SNX29: variants seen among roughly 807,000 people sequenced by gnomAD.
SNX29 encodes the protein sorting nexin 29, also known as sorting nexin-29.
Under a neutral mutation model 102.1 loss-of-function variants are expected in SNX29, and 78 were observed. The ratio of observed to expected loss-of-function variants is 0.76; its 90% CI spans 0.64 to 0.92. The LOEUF (loss-of-function observed/expected upper bound fraction) is 0.92, where lower values mean the gene tolerates loss of function less well. SNX29 is among the 40% of genes least tolerant of loss of function. The pLI is 0.00. For synonymous variants in SNX29, 580 were observed against 414.5 expected, an observed-to-expected ratio of 1.40 and a Z score of -4.85; for missense variants, 1,280 against 1,061.7, an observed-to-expected ratio of 1.21 and a Z score of -2.86.
chr16:12,562,710 C>T (rs917678906), intron 20 of SNX29, among the ~76,000 whole-genome samples: 2 of 152,208 alleles, frequency 1.3e-5, no homozygotes, highest in Non-Finnish European at 2.9e-5. Flanking sequence ...AGATTGAAGC[C>T]TACCGTGGTA....
At chr16:12,307,650 A>G (rs2080381788) in intron 15 of SNX29, among the ~76,000 whole-genome samples, 1 of 152,254 alleles carries the variant, frequency 6.6e-6, no homozygotes, top group East Asian at 1.9e-4. Context: ...ACACAGGGTC[A>G]TGAATGGTCT....
chr16:12,561,621 C>T (rs1050268861), intron 20 of SNX29, among the ~76,000 whole-genome samples: 13 of 152,176 alleles, frequency 8.5e-5, no homozygotes, highest in South Asian at 4.1e-4. Context: ...CAGTGTACCC[C>T]AAGAGGCTTA....
intron 15 of SNX29, among the ~76,000 whole-genome samples, chr16:12,329,711 C>T (rs571897016): frequency 6.6e-6 from 1 of 152,344 alleles, no homozygotes; most frequent in South Asian, 2.1e-4. Flanking sequence ...TCACTGGCAA[C>T]GAGTCCTCTG....
chr16:12,015,124 C>T (rs2056803588), intron 3 of SNX29, among the ~76,000 whole-genome samples: 1 of 152,052 alleles, frequency 6.6e-6, no homozygotes, highest in Admixed American at 6.6e-5. Context: ...TGTATATATA[C>T]ACATATATGT....
intron 20 of SNX29, among the ~76,000 whole-genome samples, chr16:12,559,327 G>A (rs757904429): frequency 1.3e-5 from 2 of 151,864 alleles, no homozygotes; most frequent in Non-Finnish European, 2.9e-5. Flanking sequence ...CTGCCCATGT[G>A]AGGGATCTAG....
At chr16:12,129,491 G>A in intron 12 of SNX29, 139 bp from the exon 13 acceptor site, 1 of 1,145,920 alleles carries the variant, frequency 8.7e-7, no homozygotes, top group Non-Finnish European at 1.2e-6. Context: ...GTTCACATGA[G>A]ATAGACTTGA....
intron 3 of SNX29, among the ~76,000 whole-genome samples, chr16:12,012,724 C>T (rs982483384): frequency 2.6e-5 from 4 of 152,022 alleles, no homozygotes; most frequent in Non-Finnish European, 5.9e-5. Context: ...ATTTCTTAAA[C>T]TTAGGCCATT....
intron 4 of SNX29, chr16:12,029,792 A>T (rs2057290878): frequency 2.8e-6 from 1 of 351,588 alleles, no homozygotes; most frequent in African/African-American, 2.2e-5. Flanking sequence ...GAGTTTCACC[A>T]TGTTGGCCAG....
intron 11 of SNX29, among the ~76,000 whole-genome samples, chr16:12,117,816 C>T (rs1406657966): frequency 1.3e-5 from 2 of 152,052 alleles, no homozygotes; most frequent in African/African-American, 2.4e-5. Flanking sequence ...TTCAGTTTGG[C>T]GGGGCACGGT....
chr16:12,476,150 G>T (rs8055246), intron 18 of SNX29, among the ~76,000 whole-genome samples: 3,448 of 150,718 alleles, frequency 0.023, 143 homozygotes, highest in African/African-American at 0.078. Context: ...GCAAAACCTT[G>T]TCTCTACTAA....
chr16:12,252,595 T>C (rs1250416884), intron 14 of SNX29, among the ~76,000 whole-genome samples: 6 of 152,238 alleles, frequency 3.9e-5, no homozygotes, highest in Admixed American at 2.0e-4. Flanking sequence ...CCTGAACGTG[T>C]GTGCATTTCC....
At chr16:12,161,796 G>A (rs951058383) in intron 13 of SNX29, among the ~76,000 whole-genome samples, 4 of 147,846 alleles carry the variant, frequency 2.7e-5, no homozygotes, top group Non-Finnish European at 6.0e-5. Context: ...CCTGTGGCAC[G>A]CCAGTTCCCT....
At chr16:12,031,016 C>T (rs553526449) in intron 4 of SNX29, among the ~76,000 whole-genome samples, 59 of 152,264 alleles carry the variant, frequency 3.9e-4, no homozygotes, top group Non-Finnish European at 7.2e-4. Context: ...GCAGGGCCTT[C>T]AGTGCCGCTG....
chr16:12,537,603 C>G (rs901392635), intron 20 of SNX29, among the ~76,000 whole-genome samples: 3 of 152,184 alleles, frequency 2.0e-5, no homozygotes, highest in South Asian at 2.1e-4. Flanking sequence ...CAAACTCTCA[C>G]TTCAGTCCCA....
rs2079133658 is a variant in SNX29 at position 12,569,238 on chromosome 16, C to G, written c.*609C>G. On this transcript the variant is annotated 3_prime_UTR_variant, in exon 21 of 21. Coordinates refer to ENST00000566228, the MANE Select transcript of SNX29 (RefSeq NM_032167.5). Reference sequence around the variant, plus strand: ...CAGAGGGATATTCCTGTGGCTTTGGCAAGGAGCCATTAGTGATGTGCAACT... The same window carrying G: ...CAGAGGGATATTCCTGTGGCTTTGGGAAGGAGCCATTAGTGATGTGCAACT... 4.4e-6 allele frequency: 1 copy of G among 224,962 alleles called. No homozygotes were observed. The highest frequency in any genetic ancestry group is 2.2e-5 in the African/African-American group (1 of 44,758). The allele number at this position is 224,962 out of a possible 1,614,324, so 13.9% of individuals were successfully genotyped here. A position where few individuals can be genotyped will look rare whatever the true frequency, so the allele number is the denominator to read the frequency against.
intron 20 of SNX29, among the ~76,000 whole-genome samples, chr16:12,528,328 C>T (rs146852124): frequency 6.6e-6 from 1 of 152,228 alleles, no homozygotes; most frequent in East Asian, 1.9e-4. Flanking sequence ...CTCTGAGTAG[C>T]TGGGATTACA....
intron 20 of SNX29, among the ~76,000 whole-genome samples, chr16:12,563,193 T>G (rs982105738): frequency 1.4e-5 from 1 of 69,176 alleles, no homozygotes; most frequent in African/African-American, 7.5e-5. Flanking sequence ...CTTCCCACAG[T>G]CAACATGCTG....
intron 13 of SNX29, among the ~76,000 whole-genome samples, chr16:12,159,444 A>G (rs1423618752): frequency 6.6e-6 from 1 of 152,210 alleles, no homozygotes; most frequent in Non-Finnish European, 1.5e-5. Context: ...GATATCTTGG[A>G]CCAGGCGTTT....
chr16:12,536,994 AAAAG>A (rs905296618), intron 20 of SNX29, among the ~76,000 whole-genome samples: 3 of 117,286 alleles, frequency 2.6e-5, no homozygotes, highest in Non-Finnish European at 4.2e-5. Context: ...AAATAAAATA[AAAAG>A]AGTTGTTCAG....
Sources: gnomAD v4.1 joint callset for allele counts (sites outside exome capture counted in the v4.1 genomes callset) on GRCh38, gnomAD v4.1.1 for gene constraint, MANE v1.5 for transcripts, NCBI Gene and HGNC (gene_info 2026-07-23, HGNC 2026-07-21) for gene names.